Variants in DRD3 observed in about 807,000 individuals in gnomAD.
DRD3 encodes dopamine receptor D3.
DRD3 carries 19 observed loss-of-function variants against 36.3 expected under a neutral mutation model. The ratio of observed to expected loss-of-function variants is 0.52; its 90% confidence interval spans 0.36 to 0.77. The LOEUF is 0.77. DRD3 is among the 30% of genes least tolerant of loss of function. The pLI is 0.00. For synonymous variants in DRD3, 195 were observed against 203.7 expected (o/e 0.96, Z 0.36); for missense variants, 465 against 505.3 (o/e 0.92, Z 0.77).
intron 3 of DRD3, among the ~76,000 whole-genome samples, chr3:114,152,389 TAGAC>T (rs1457357441): frequency 1.3e-5 from 2 of 152,232 alleles, no homozygotes; most frequent in Non-Finnish European, 2.9e-5. Flanking sequence ...ATCTTATGAT[TAGAC>T]AGGTTTTGAG....
At position 114,191,413 on chromosome 3, in the gene DRD3, C is replaced by T. The variant is rs190520358; in HGVS notation, c.-156+7860G>A. Among the ~76,000 whole-genome samples, 37 of 152,200 alleles carry T rather than the reference C, an allele frequency of 2.4e-4. No homozygotes were observed. In the East Asian group the frequency reaches 4.8e-3, roughly 20 times the overall value. ...GTGCAGAGGCCCTGAGATGGGAACA[C>T]GATTGGCACATTTGAAAAGGCCAGT... On this transcript the variant is annotated intron_variant, in intron 1 of 7. Transcript: ENST00000460779.
At chr3:114,197,495 T>C (rs148840994) in intron 1 of DRD3, among the ~76,000 whole-genome samples, 173 of 152,170 alleles carry the variant, frequency 1.1e-3, no homozygotes, top group African/African-American at 4.0e-3. Context: ...ATTTAATGGA[T>C]TGTGTTTTGA....
intron 1 of DRD3, among the ~76,000 whole-genome samples, chr3:114,192,190 G>A (rs1443609268): frequency 6.6e-6 from 1 of 152,166 alleles, no homozygotes; most frequent in Non-Finnish European, 1.5e-5. Flanking sequence ...TTGGAAGTGA[G>A]GACAAAAATT....
chr3:114,194,826 ATTTTTT>A (rs112242006), intron 1 of DRD3, among the ~76,000 whole-genome samples: 6 of 144,310 alleles, frequency 4.2e-5, no homozygotes, highest in African/African-American at 1.5e-4. Context: ...TCTTGCAAAG[ATTTTTT>A]TTTTTTTTTG....
At chr3:114,157,557 G>T (rs1300689126) in intron 3 of DRD3, among the ~76,000 whole-genome samples, 2 of 152,052 alleles carry the variant, frequency 1.3e-5, no homozygotes, top group African/African-American at 2.4e-5. Context: ...CATAGCACAG[G>T]CCCCCTCAAT....
At chr3:114,134,578 C>A (rs1023298530) in intron 5 of DRD3, among the ~76,000 whole-genome samples, 2 of 151,378 alleles carry the variant, frequency 1.3e-5, no homozygotes. Flanking sequence ...CACCATCACA[C>A]CTGGCTAATT....
In DRD3 at chr3:114,139,709, A is replaced by AG. The variant is rs771067559; in HGVS notation, c.527-14dup. On this transcript the variant is annotated splice_polypyrimidine_tract_variant and intron_variant, in intron 4 of 6. Transcript: ENST00000383673. ...ACAGTGGGGTCCCCTGTGGATGAGA[A>AG]GGGGGAAGGTAAAGCAGTTAGCAAG... 1 of 1,613,022 alleles carries AG rather than the reference A, an allele frequency of 6.2e-7. No homozygotes were observed. Among genetic ancestry groups the AG allele is most frequent in the East Asian group, 2.2e-5 (1 of 44,882 alleles).
chr3:114,176,418 T>C (rs1394671719), intron 1 of DRD3, among the ~76,000 whole-genome samples: 1 of 152,028 alleles, frequency 6.6e-6, no homozygotes, highest in Non-Finnish European at 1.5e-5. Flanking sequence ...GGCAACATAG[T>C]GAGACTCCAT....
chr3:114,171,366 G>T (rs2077839589), intron 2 of DRD3, among the ~76,000 whole-genome samples: 1 of 151,788 alleles, frequency 6.6e-6, no homozygotes, highest in Admixed American at 6.6e-5. Context: ...TTAAACACTG[G>T]TGAAGAGGTC....
At chr3:114,163,956 G>A (rs561996875) in intron 2 of DRD3, among the ~76,000 whole-genome samples, 194 of 152,134 alleles carry the variant, frequency 1.3e-3, no homozygotes, top group African/African-American at 4.5e-3. Context: ...GCCTGGTGTG[G>A]TGGCTCCCAC....
intron 3 of DRD3, among the ~76,000 whole-genome samples, chr3:114,153,027 C>G (rs958511005): frequency 6.6e-6 from 1 of 152,212 alleles, no homozygotes; most frequent in African/African-American, 2.4e-5. Context: ...CTCCCTGGGC[C>G]GTTTCTGGTG....
intron 6 of DRD3, among the ~76,000 whole-genome samples, chr3:114,129,310 T>C (rs2077405895): frequency 6.6e-6 from 1 of 151,934 alleles, no homozygotes; most frequent in African/African-American, 2.4e-5. Context: ...GCCATTGCAC[T>C]CCGGCCTGGG....
upstream of DRD3, among the ~76,000 whole-genome samples, chr3:114,180,503 C>T (rs866218001): frequency 1.3e-5 from 2 of 152,066 alleles, no homozygotes; most frequent in Non-Finnish European, 2.9e-5. Context: ...AGGAAGATGG[C>T]ATCTGTCTGC....
Position 114,128,165 on chromosome 3 carries a change from C to T in DRD3, c.*551G>A, listed in dbSNP as rs1397391167. ...TCTTGGTGTGAGAAATTCACCTCACCAAATGTAGCCCATCGGATTCTACAG... is the reference window on the plus strand; with the variant it reads ...TCTTGGTGTGAGAAATTCACCTCACTAAATGTAGCCCATCGGATTCTACAG... On this transcript the variant is annotated 3_prime_UTR_variant, in exon 7 of 7. Coordinates refer to ENST00000383673, the MANE Select transcript of DRD3 (RefSeq NM_000796.6). Among the ~76,000 whole-genome samples the T allele has an allele frequency of 1.3e-5, 2 of 152,186 alleles. No homozygotes were observed. The highest frequency in any genetic ancestry group is 4.8e-5 in the African/African-American group (2 of 41,452).
At chr3:114,197,278 T>A (rs904699462) in intron 1 of DRD3, among the ~76,000 whole-genome samples, 262 of 45,400 alleles carry the variant, frequency 5.8e-3, no homozygotes, top group Non-Finnish European at 7.7e-3. Context: ...ATTAAAAAAA[T>A]TTTTTTTTTT....
intron 3 of DRD3, among the ~76,000 whole-genome samples, chr3:114,155,610 C>A (rs952541281): frequency 6.6e-6 from 1 of 152,146 alleles, no homozygotes; most frequent in African/African-American, 2.4e-5. Context: ...GAAAAGCACC[C>A]TCTTCTGGCC....
At chr3:114,167,118 C>T (rs112529001) in intron 2 of DRD3, among the ~76,000 whole-genome samples, 12,859 of 152,166 alleles carry the variant, frequency 0.085, 647 homozygotes, top group South Asian at 0.13. Flanking sequence ...CGACCTCGAT[C>T]GCTTTTTCTG....
chr3:114,156,767 C>CTTTCTT (rs2077677098), intron 3 of DRD3, among the ~76,000 whole-genome samples: 2 of 98,786 alleles, frequency 2.0e-5, no homozygotes, highest in African/African-American at 7.3e-5. Context: ...TTCTTTCTTT[C>CTTTCTT]TTTCTTTCTT....
chr3:114,177,487 T>G (rs1332143326), intron 1 of DRD3, among the ~76,000 whole-genome samples: 1 of 152,060 alleles, frequency 6.6e-6, no homozygotes, highest in East Asian at 1.9e-4. Context: ...ATCCTACCAT[T>G]CTAATCAGAG....
Sources: allele counts gnomAD v4.1 joint callset (sites outside exome capture counted in the v4.1 genomes callset), GRCh38; gene constraint gnomAD v4.1.1; transcripts MANE v1.5; gene names NCBI Gene and HGNC (gene_info 2026-07-23, HGNC 2026-07-21).